The following LY75 variants were observed in gnomAD, a reference collection of about 807,000 sequenced individuals.
The protein encoded by LY75 is C-type lectin domain family 13 member B.
LY75 carries 185 observed loss-of-function variants against 231.7 expected under a neutral mutation model. The ratio of observed to expected loss-of-function variants is 0.80; its 90% CI spans 0.71 to 0.90. The LOEUF (loss-of-function observed/expected upper bound fraction) is 0.90, where lower values mean the gene tolerates loss of function less well. Ranked by LOEUF, LY75 falls within the 40% of genes least tolerant of loss-of-function variation. The probability of loss-of-function intolerance (pLI) is 0.00; values close to 1 mark genes in which losing one functional copy is unlikely to be tolerated. For synonymous variants in LY75, 668 were observed against 689.0 expected (o/e 0.97, Z 0.48); for missense variants, 1,947 against 2,050.2 (o/e 0.95, Z 0.97).
chr2:159,832,616 T>A (rs992815135), intron 27 of LY75, among the ~76,000 whole-genome samples: 1 of 152,196 alleles, frequency 6.6e-6, no homozygotes, highest in African/African-American at 2.4e-5. Context: ...ACATGGATTT[T>A]AAAAAAAGTT....
At chr2:159,850,813 TAA>T (rs1302594026) in intron 21 of LY75, among the ~76,000 whole-genome samples, 6 of 132,514 alleles carry the variant, frequency 4.5e-5, no homozygotes, top group Admixed American at 7.8e-5. Context: ...ATCTTATATA[TAA>T]GATATATATT....
intron 20 of LY75, among the ~76,000 whole-genome samples, chr2:159,852,621 G>A (rs921230649): frequency 6.6e-5 from 10 of 152,096 alleles, no homozygotes; most frequent in African/African-American, 1.2e-4. Flanking sequence ...GATTCACCAC[G>A]TTGGCCAGGC....
At chr2:159,889,424 T>C (rs2125881486) in intron 4 of LY75, among the ~76,000 whole-genome samples, 1 of 152,038 alleles carries the variant, frequency 6.6e-6, no homozygotes, top group South Asian at 2.1e-4. Context: ...AGAGACGTGG[T>C]CTCACTTTGC....
intron 28 of LY75, among the ~76,000 whole-genome samples, chr2:159,822,679 C>T (rs759662084): frequency 1.4e-4 from 21 of 152,318 alleles, no homozygotes; most frequent in Non-Finnish European, 1.9e-4. Flanking sequence ...GACTGGGAGA[C>T]ATCTCCCAGT....
In LY75 at chr2:159,819,884, G is replaced by C. The variant is rs753012424; in HGVS notation, c.3995C>G (p.Ser1332Ter). 3.7e-6 allele frequency: 6 copies of C among 1,612,282 alleles called. No individual in the cohort carries two copies. The Admixed American group carries it at 8.4e-5, about 23-fold the overall frequency. ...TCTTCCTGCTCTCCAATGTGTATAT[G>C]ACAGTGGGGTCTTATCAAACCACAT... ...SLMWFDKTPL[S>*]YTHWRAGRPT... The change falls in exon 29 of 35, where the codon TCA becomes TGA. Residue 1332 changes from serine (S) to a stop codon, truncating the protein, a stop_gained. Transcript: ENST00000263636. LOFTEE classifies it high-confidence loss of function.
intron 26 of LY75, among the ~76,000 whole-genome samples, 193 bp from the exon 27 acceptor site, chr2:159,834,404 C>A (rs1339178263): frequency 1.3e-5 from 2 of 152,146 alleles, no homozygotes; most frequent in Non-Finnish European, 2.9e-5. Context: ...TTACTTGACA[C>A]AATTTTCTTA....
chr2:159,820,431 A>C (rs992438494), intron 28 of LY75, among the ~76,000 whole-genome samples: 9 of 152,236 alleles, frequency 5.9e-5, no homozygotes, highest in Admixed American at 4.6e-4. Flanking sequence ...GAAGTAACTC[A>C]GGAATGGAAA....
intron 14 of LY75, among the ~76,000 whole-genome samples, 175 bp from the exon 15 acceptor site, chr2:159,861,064 T>C (rs891191516): frequency 6.6e-6 from 1 of 152,200 alleles, no homozygotes; most frequent in East Asian, 1.9e-4. Flanking sequence ...GCAAATGTCA[T>C]AATGTCATAA....
At chr2:159,853,437 A>T in intron 19 of LY75, 85 bp from the exon 20 acceptor site, 1 of 1,521,370 alleles carries the variant, frequency 6.6e-7, no homozygotes, top group Admixed American at 1.9e-5. Context: ...TTTTATTTCT[A>T]AATTTAATGT....
At chr2:159,815,031 T>G (rs1457208430) in intron 31 of LY75, among the ~76,000 whole-genome samples, 1 of 147,094 alleles carries the variant, frequency 6.8e-6, no homozygotes, top group African/African-American at 2.5e-5. Flanking sequence ...GACGGAGTCT[T>G]GCTCTGTCTC....
intron 16 of LY75, among the ~76,000 whole-genome samples, chr2:159,857,032 A>G (rs1684568218): frequency 6.6e-6 from 1 of 152,192 alleles, no homozygotes; most frequent in Admixed American, 6.5e-5. Context: ...AAACAGAGAC[A>G]TTGTCCGAAT....
chr2:159,890,562 T>A (rs1685720239), intron 3 of LY75, among the ~76,000 whole-genome samples, 185 bp from the exon 4 acceptor site: 1 of 152,142 alleles, frequency 6.6e-6, no homozygotes, highest in South Asian at 2.1e-4. Context: ...ACCAAATGAC[T>A]CAGGCTGGTT....
In LY75 at chr2:159,854,415, A is replaced by G. The variant is rs1251854518; in HGVS notation, c.2540T>C (p.Leu847Pro). 6.4e-7 allele frequency: 1 copy of G among 1,558,744 alleles called. No individual in the cohort carries two copies. Among genetic ancestry groups the G allele is most frequent in the Non-Finnish European group, 8.7e-7 (1 of 1,146,494 alleles). ...VLYCASNHSFLATITSFVGLK... is the reference protein window; with the variant it reads ...VLYCASNHSFPATITSFVGLK... ...TCCCACAAAAGATGTTATAGTTGCA[A>G]GAAAGCTGTGATTGCTGGCACAGTA... The change falls in exon 18 of 35, where the codon CTT becomes CCT. Residue 847 changes from leucine (L) to proline (P), a missense_variant. By Grantham distance (98) the Leu-to-Pro change is moderately conservative. Coordinates refer to ENST00000263636, the MANE Select transcript of LY75 (RefSeq NM_002349.4).
At chr2:159,884,815 C>T (rs909001155) in intron 6 of LY75, among the ~76,000 whole-genome samples, 1 of 152,148 alleles carries the variant, frequency 6.6e-6, no homozygotes, top group Admixed American at 6.6e-5. Flanking sequence ...AGAGGTGATG[C>T]TGATGCTGTT....
In LY75 at chr2:159,834,017, A is replaced by G. The variant is rs1683743780; in HGVS notation, c.3841+27T>C. On this transcript the variant is annotated intron_variant, in intron 27 of 34. Coordinates refer to ENST00000263636, the MANE Select transcript of LY75 (RefSeq NM_002349.4). Reference sequence around the variant, plus strand: ...GCCTCGGGTATGTCCTTATAGCAACATGAGAATGGACTAATATAATACTTA... The same window carrying G: ...GCCTCGGGTATGTCCTTATAGCAACGTGAGAATGGACTAATATAATACTTA... 6 of 1,607,190 alleles carry G rather than the reference A, an allele frequency of 3.7e-6. No individual in the cohort carries two copies. In the East Asian group the frequency reaches 1.3e-4, roughly 36 times the overall value.
intron 1 of LY75, among the ~76,000 whole-genome samples, chr2:159,900,815 A>G (rs998431347): frequency 6.6e-6 from 1 of 152,208 alleles, no homozygotes; most frequent in Non-Finnish European, 1.5e-5. Context: ...GCAGCTAAGG[A>G]TGTTTGCCAT....
chr2:159,878,572 C>T lies in LY75; in HGVS notation c.1604+61G>A, dbSNP rs188477931. Reference sequence around the variant, plus strand: ...AAGATGCACCTTTTACTTAGGAAGACTGTTTGGCAAAAGAATTCAGAGTTG... The same window carrying T: ...AAGATGCACCTTTTACTTAGGAAGATTGTTTGGCAAAAGAATTCAGAGTTG... On this transcript the variant is annotated intron_variant, in intron 10 of 34. Coordinates refer to ENST00000263636, the MANE Select transcript of LY75 (RefSeq NM_002349.4). 3.9e-3 allele frequency: 6,285 copies of T among 1,612,368 alleles called. 30 individuals carry two copies. The highest frequency in any genetic ancestry group is 4.5e-3 in the Middle Eastern group (27 of 6,048).
intron 2 of LY75, among the ~76,000 whole-genome samples, chr2:159,896,744 C>A (rs990216149): frequency 1.3e-5 from 2 of 152,038 alleles, no homozygotes; most frequent in Non-Finnish European, 2.9e-5. Flanking sequence ...GTGGAAGAGG[C>A]GAGCCTGAAA....
rs1686188399 is a variant in LY75 at position 159,904,709 on chromosome 2, G to A, written c.-27C>T. On this transcript the variant is annotated 5_prime_UTR_variant, in exon 1 of 35. Coordinates refer to ENST00000263636, the MANE Select transcript of LY75 (RefSeq NM_002349.4). ...CTGAGCTGGCGCAAGCCTTCCGGCC[G>A]GGTCCTCGGGCGCACGCGGCTCCCG... 1 of 1,399,118 alleles carries A rather than the reference G, an allele frequency of 7.1e-7. No individual in the cohort carries two copies. The highest frequency in any genetic ancestry group is 1.5e-5 in the African/African-American group (1 of 65,896). 86.7% of individuals were successfully genotyped at this position (1,399,118 alleles called of 1,614,324 possible).
Sources: allele counts gnomAD v4.1 joint callset (sites outside exome capture counted in the v4.1 genomes callset), GRCh38; gene constraint gnomAD v4.1.1; transcripts MANE v1.5; gene names NCBI Gene and HGNC (gene_info 2026-07-23, HGNC 2026-07-21).